SLC13A1: variants seen among roughly 807,000 people sequenced by gnomAD.
SLC13A1 encodes the protein Na(+)/sulfate cotransporter.
In SLC13A1, 65 loss-of-function variants were observed where a neutral mutation model predicts 70.0. The observed-to-expected ratio is 0.93, with a 90% CI of 0.76 to 1.14. The LOEUF (loss-of-function observed/expected upper bound fraction) is 1.14, where lower values mean the gene tolerates loss of function less well. Among genes scored for constraint, SLC13A1 ranks in the 50% most tolerant of loss-of-function variants. The pLI, the probability that SLC13A1 is intolerant of heterozygous loss-of-function variation, is 0.00. For missense variants in SLC13A1, 726 were observed against 717.8 expected (o/e 1.01, Z -0.13); for synonymous variants, 275 against 250.5 (o/e 1.10, Z -0.92).
intron 12 of SLC13A1, among the ~76,000 whole-genome samples, chr7:123,121,901 C>G (rs867266110): frequency 2.0e-5 from 3 of 152,224 alleles, no homozygotes; most frequent in Middle Eastern, 3.4e-3. Context: ...CAGCCATACT[C>G]TTGAAGCTCA....
chr7:123,116,242 C>T (rs1793177332), intron 14 of SLC13A1, among the ~76,000 whole-genome samples: 1 of 152,240 alleles, frequency 6.6e-6, no homozygotes, highest in East Asian at 1.9e-4. Flanking sequence ...TTCTACAGTC[C>T]ATTAAACAAT....
rs905368372 is a variant in SLC13A1, at chr7:123,137,757, A to T, written c.813-3228T>A. ...GCTAACCTTTGCCTGGAGTCTTTTT[A>T]AAAAAAATTCTTAAAATTTTTAATT... On this transcript the variant is annotated intron_variant, in intron 7 of 14. Coordinates refer to ENST00000194130, the MANE Select transcript of SLC13A1 (RefSeq NM_022444.4). Among the ~76,000 whole-genome samples, 41 of 151,960 alleles carry T rather than the reference A, an allele frequency of 2.7e-4. 1 individual carries two copies. The highest frequency in any genetic ancestry group is 4.4e-4 in the Non-Finnish European group (30 of 67,976).
rs1794387001 is a variant in SLC13A1, at chr7:123,147,233, G to A, written c.738C>T (p.Tyr246=). The A allele has an allele frequency of 6.2e-7, 1 of 1,613,604 alleles. No individual in the cohort carries two copies. The highest frequency in any genetic ancestry group is 1.3e-5 in the African/African-American group (1 of 74,916). The change falls in exon 7 of 15, where the codon TAC becomes TAT. Residue 246 remains tyrosine, a synonymous_variant. Transcript: ENST00000194130. The part of the protein sequence containing the change: ...TRKLTCLCIA[Y]SSTIGGLTTI... ...TTGTCAGTCCACCAATGGTAGAAGA[G>A]TAGGCAATGCACAAACACGTAAGTT...
At position 123,166,759 on chromosome 7, in the gene SLC13A1, C is replaced by T. The variant is rs575970620; in HGVS notation, c.660+1615G>A. Among the ~76,000 whole-genome samples, 51 of 152,178 alleles carry T rather than the reference C, an allele frequency of 3.4e-4. 1 individual carries two copies. Among genetic ancestry groups the T allele is most frequent in the African/African-American group, 1.2e-3 (48 of 41,506 alleles). On this transcript the variant is annotated intron_variant, in intron 6 of 14. Coordinates refer to ENST00000194130, the MANE Select transcript of SLC13A1 (RefSeq NM_022444.4). ...TGGCTGCATAGTATTCCATGGTGTA[C>T]ATGTGCCACATTTTCTTAATCCAGT...
At chr7:123,180,742 G>A (rs1432401575) in intron 2 of SLC13A1, among the ~76,000 whole-genome samples, 1 of 151,996 alleles carries the variant, frequency 6.6e-6, no homozygotes, top group Non-Finnish European at 1.5e-5. Flanking sequence ...GAGAAGAGGG[G>A]ACATACATTT....
chr7:123,133,598 C>T (rs965149454), intron 8 of SLC13A1, among the ~76,000 whole-genome samples: 5 of 151,940 alleles, frequency 3.3e-5, no homozygotes, highest in South Asian at 2.1e-4. Context: ...AGTGCAATGG[C>T]GAGATCTTGG....
At chr7:123,128,533 C>T (rs1793642213) in intron 10 of SLC13A1, among the ~76,000 whole-genome samples, 1 of 151,960 alleles carries the variant, frequency 6.6e-6, no homozygotes, top group Non-Finnish European at 1.5e-5. Context: ...CAGAACATAG[C>T]CTTTGTGCTG....
At chr7:123,119,301 A>G (rs953833118) in intron 12 of SLC13A1, 59 bp from the exon 13 acceptor site, 2 of 1,093,250 alleles carry the variant, frequency 1.8e-6, no homozygotes, top group Admixed American at 2.5e-5. Context: ...ATCAGACACA[A>G]TAAAATCCAT....
intron 6 of SLC13A1, among the ~76,000 whole-genome samples, chr7:123,159,573 G>A (rs142098018): frequency 9.9e-5 from 15 of 152,220 alleles, no homozygotes; most frequent in African/African-American, 3.6e-4. Flanking sequence ...ACACAGTTCT[G>A]TACTATTTTG....
chr7:123,155,968 T>C (rs906101041), intron 6 of SLC13A1, among the ~76,000 whole-genome samples: 1 of 152,124 alleles, frequency 6.6e-6, no homozygotes, highest in Non-Finnish European at 1.5e-5. Flanking sequence ...TGTCTGAAGA[T>C]CATATTTCTG....
chr7:123,198,568 G>A (rs914023105), intron 1 of SLC13A1, among the ~76,000 whole-genome samples: 1 of 151,980 alleles, frequency 6.6e-6, no homozygotes, highest in Admixed American at 6.6e-5. Flanking sequence ...ACCCACAGAT[G>A]CCACAGCAGG....
chr7:123,120,746 T>C (rs1793349285), intron 12 of SLC13A1, among the ~76,000 whole-genome samples: 1 of 152,068 alleles, frequency 6.6e-6, no homozygotes, highest in South Asian at 2.1e-4. Context: ...TTATGACTTT[T>C]AGGTAGAAAA....
intron 10 of SLC13A1, among the ~76,000 whole-genome samples, chr7:123,127,827 C>T (rs1793609963): frequency 1.3e-5 from 2 of 148,898 alleles, no homozygotes; most frequent in Admixed American, 1.3e-4. Context: ...TGGTTTCTAC[C>T]CCAAAATACA....
rs896181879 is a variant in SLC13A1, at chr7:123,125,455, G to C, written c.1240+114C>G. ...TTTGCAAATAGGGCATGCTAGGCCA[G>C]GGATTGTGCCAGCATAGACTTTCTT... On this transcript the variant is annotated intron_variant, in intron 11 of 14. Transcript: ENST00000194130. 2.0e-5 allele frequency: 14 copies of C among 716,388 alleles called. No individual in the cohort carries two copies. In the Admixed American group the frequency reaches 2.5e-4, roughly 13 times the overall value. The allele number at this position is 716,388 out of a possible 1,614,324, so 44.4% of individuals were successfully genotyped here.
chr7:123,156,430 T>C (rs1317255131), intron 6 of SLC13A1, among the ~76,000 whole-genome samples: 2 of 152,164 alleles, frequency 1.3e-5, no homozygotes, highest in African/African-American at 4.8e-5. Flanking sequence ...TGCCCACTTT[T>C]GACCTTGGTG....
chr7:123,128,648 T>C (rs1182291821), intron 10 of SLC13A1, among the ~76,000 whole-genome samples, 197 bp downstream of exon 10: 2 of 152,188 alleles, frequency 1.3e-5, no homozygotes, highest in Admixed American at 1.3e-4. Context: ...GTAAGTAATA[T>C]GGTTATTCTT....
At chr7:123,165,062 A>G (rs1004695035) in intron 6 of SLC13A1, among the ~76,000 whole-genome samples, 3 of 152,130 alleles carry the variant, frequency 2.0e-5, no homozygotes, top group African/African-American at 7.2e-5. Context: ...ACATTCTTCC[A>G]TATAATCAGT....
chr7:123,140,893 G>A (rs1794113342), intron 7 of SLC13A1, among the ~76,000 whole-genome samples: 1 of 151,758 alleles, frequency 6.6e-6, no homozygotes, highest in South Asian at 2.1e-4. Context: ...GATTTTTTTG[G>A]TATTGTTTTC....
At chr7:123,153,448 A>T (rs1794619033) in intron 6 of SLC13A1, among the ~76,000 whole-genome samples, 1 of 152,086 alleles carries the variant, frequency 6.6e-6, no homozygotes, top group African/African-American at 2.4e-5. Context: ...CTAGCCAGTA[A>T]ACATGAGCTC....
Sources: gnomAD v4.1 joint callset for allele counts (sites outside exome capture counted in the v4.1 genomes callset) on GRCh38, gnomAD v4.1.1 for gene constraint, MANE v1.5 for transcripts, NCBI Gene and HGNC (gene_info 2026-07-23, HGNC 2026-07-21) for gene names.